Variants in AK8 observed in about 807,000 individuals in gnomAD.
AK8 encodes adenylate kinase 8.
A neutral mutation model predicts 54.6 loss-of-function variants in AK8; 44 were observed. The observed-to-expected ratio is 0.81, with a 90% CI of 0.63 to 1.04. AK8 has a LOEUF of 1.04. Ranked by LOEUF, AK8 falls within the 50% of genes least tolerant of loss-of-function variation. The pLI is 0.00. For synonymous variants in AK8, 239 were observed against 245.6 expected (o/e 0.97, Z 0.25); for missense variants, 555 against 613.6 (o/e 0.90, Z 1.01).
At position 132,828,099 on chromosome 9, in the gene AK8, A is replaced by C; in HGVS notation, c.485-15T>G. 6.4e-7 allele frequency: 1 copy of C among 1,563,414 alleles called. No homozygotes were observed. The highest frequency in any genetic ancestry group is 8.7e-7 in the Non-Finnish European group (1 of 1,152,884). On this transcript the variant is annotated splice_polypyrimidine_tract_variant and intron_variant, in intron 6 of 12. Coordinates refer to ENST00000298545, the MANE Select transcript of AK8 (RefSeq NM_152572.3). ...ACTCAGCACAACTGGGCAGAGAAGA[A>C]AAGGAGCAAAACCAGGCATGTCGGG...
At chr9:132,874,093 G>A (rs528164533) in intron 2 of AK8, among the ~76,000 whole-genome samples, 3 of 152,292 alleles carry the variant, frequency 2.0e-5, no homozygotes, top group African/African-American at 7.2e-5. Context: ...GCTGAACAAG[G>A]GAATGTCTAG....
rs11284701 is a variant in AK8 at position 132,832,063 on chromosome 9, GAAAAAAAAAAAAAAA to G, written c.403-3352_403-3338del. ...GGTGACACAGTGAGACCTTGTCTCT[GAAAAAAAAAAAAAAA>G]AAAAAAAAAAAAGGCCAGCATTTCT... On this transcript the variant is annotated intron_variant, in intron 5 of 12. Transcript: ENST00000298545. 3.2e-4 allele frequency among the ~76,000 whole-genome samples: 4 copies of G among 12,414 alleles called. No individual in the cohort carries two copies. The Admixed American group carries it at 5.4e-3, about 17-fold the overall frequency. The allele number at this position is 12,414 out of a possible 152,430, so 8.1% of individuals were successfully genotyped here. A position where few individuals can be genotyped will look rare whatever the true frequency, so the allele number is the denominator to read the frequency against.
At chr9:132,769,685 CTCTCATT>C (rs1441171705) in intron 11 of AK8, 4 of 152,242 alleles carry the variant, frequency 2.6e-5, no homozygotes, top group Non-Finnish European at 5.9e-5. Flanking sequence ...GGGCTCCCAT[CTCTCATT>C]TCTCAAAGAG....
chr9:132,758,611 G>A (rs1482455280), intron 11 of AK8, among the ~76,000 whole-genome samples: 2 of 151,466 alleles, frequency 1.3e-5, no homozygotes, highest in Non-Finnish European at 2.9e-5. Context: ...CACCAGGCCT[G>A]GCTAATTTTT....
intron 11 of AK8, among the ~76,000 whole-genome samples, chr9:132,768,511 C>T (rs1838817487): frequency 6.6e-6 from 1 of 152,204 alleles, no homozygotes; most frequent in South Asian, 2.1e-4. Flanking sequence ...AGGTGATCTG[C>T]CCACCTCAGC....
At chr9:132,849,664 T>A (rs1842891284) in intron 5 of AK8, among the ~76,000 whole-genome samples, 2 of 152,204 alleles carry the variant, frequency 1.3e-5, no homozygotes, top group African/African-American at 4.8e-5. Context: ...ATCCCATGGC[T>A]GAGGGCCATG....
intron 2 of AK8, among the ~76,000 whole-genome samples, chr9:132,868,440 C>A (rs530781523): frequency 6.6e-6 from 1 of 152,200 alleles, no homozygotes; most frequent in East Asian, 1.9e-4. Flanking sequence ...GTTCCCTCCA[C>A]GTTCCTGCCT....
At chr9:132,805,354 G>A (rs1002968670) in intron 10 of AK8, among the ~76,000 whole-genome samples, 1 of 152,148 alleles carries the variant, frequency 6.6e-6, no homozygotes, top group African/African-American at 2.4e-5. Context: ...GGAAAATCTG[G>A]CTGTGCCCCT....
intron 11 of AK8, among the ~76,000 whole-genome samples, chr9:132,741,175 G>A (rs1837372753): frequency 6.6e-6 from 1 of 152,190 alleles, no homozygotes; most frequent in Non-Finnish European, 1.5e-5. Context: ...GCAGGTATGG[G>A]GCACAGGAGC....
At chr9:132,806,910 C>T (rs1840750432) in intron 10 of AK8, among the ~76,000 whole-genome samples, 1 of 152,134 alleles carries the variant, frequency 6.6e-6, no homozygotes, top group African/African-American at 2.4e-5. Context: ...CTCAAATCTC[C>T]CGCCTTTTCT....
intron 5 of AK8, among the ~76,000 whole-genome samples, chr9:132,850,887 T>C (rs1842945922): frequency 7.3e-6 from 1 of 136,844 alleles, no homozygotes; most frequent in Non-Finnish European, 1.6e-5. Flanking sequence ...AGAGAATCTG[T>C]AGGTGCATTT....
chr9:132,866,286 G>T (rs1469693150), intron 3 of AK8, among the ~76,000 whole-genome samples: 1 of 152,158 alleles, frequency 6.6e-6, no homozygotes, highest in African/African-American at 2.4e-5. Context: ...CCAGAAAAGG[G>T]CATTCACTGT....
intron 10 of AK8, among the ~76,000 whole-genome samples, chr9:132,807,584 C>A (rs543861093): frequency 1.3e-5 from 2 of 152,332 alleles, no homozygotes; most frequent in East Asian, 3.9e-4. Context: ...GAAGAGCCGG[C>A]GTTGTACCAT....
At chr9:132,772,238 T>C (rs1839013254) in intron 11 of AK8, among the ~76,000 whole-genome samples, 1 of 152,190 alleles carries the variant, frequency 6.6e-6, no homozygotes, top group Admixed American at 6.5e-5. Context: ...TCCCAAATTT[T>C]TCTTCCTGAA....
chr9:132,832,456 G>A (rs4962218), intron 5 of AK8, among the ~76,000 whole-genome samples: 54,542 of 152,036 alleles, frequency 0.36, 11,861 homozygotes, highest in South Asian at 0.57. Flanking sequence ...TCTGGAAGCC[G>A]AACCAACATT....
intron 11 of AK8, among the ~76,000 whole-genome samples, chr9:132,789,366 G>A (rs888789483): frequency 6.6e-6 from 1 of 152,022 alleles, no homozygotes; most frequent in Admixed American, 6.5e-5. Flanking sequence ...GGGAGGCTGA[G>A]ATGGGTGGAT....
At chr9:132,813,720 G>A (rs995532111) in intron 10 of AK8, among the ~76,000 whole-genome samples, 5 of 152,164 alleles carry the variant, frequency 3.3e-5, no homozygotes, top group African/African-American at 7.2e-5. Context: ...AGGCTCCTTC[G>A]TGGACTCAGG....
At chr9:132,813,768 T>TG (rs1841187330) in intron 10 of AK8, among the ~76,000 whole-genome samples, 1 of 152,148 alleles carries the variant, frequency 6.6e-6, no homozygotes, top group African/African-American at 2.4e-5. Flanking sequence ...GCCCTTACTG[T>TG]GGGTCAGATC....
chr9:132,830,408 C>T (rs1842058227), intron 5 of AK8, among the ~76,000 whole-genome samples: 1 of 152,194 alleles, frequency 6.6e-6, no homozygotes, highest in African/African-American at 2.4e-5. Flanking sequence ...AGCATGTTTC[C>T]TTGCATCTCT....
Sources: allele counts gnomAD v4.1 joint callset (sites outside exome capture counted in the v4.1 genomes callset), GRCh38; gene constraint gnomAD v4.1.1; transcripts MANE v1.5; gene names NCBI Gene and HGNC (gene_info 2026-07-23, HGNC 2026-07-21).